METTL2A: variants seen among roughly 807,000 people sequenced by gnomAD.
METTL2A encodes methyltransferase 2A, tRNA N3-cytidine.
A neutral mutation model predicts 49.4 loss-of-function variants in METTL2A; 45 were observed. The ratio of observed to expected loss-of-function variants is 0.91; its 90% CI spans 0.72 to 1.17. The LOEUF is 1.17. Ranked by LOEUF, METTL2A falls within the 50% of genes most tolerant of loss-of-function variation. The pLI is 0.00. For missense variants in METTL2A, 361 were observed against 462.2 expected (o/e 0.78, Z 2.01); for synonymous variants, 118 against 167.5 (o/e 0.70, Z 2.28).
chr17:62,446,634 C>G (rs1349707042), intron 7 of METTL2A, among the ~76,000 whole-genome samples: 3 of 152,104 alleles, frequency 2.0e-5, no homozygotes, highest in African/African-American at 7.2e-5. Flanking sequence ...TTTAAGCACC[C>G]AATTATTGTT....
intron 5 of METTL2A, among the ~76,000 whole-genome samples, chr17:62,437,919 C>A (rs909403981): frequency 3.3e-5 from 5 of 151,558 alleles, no homozygotes; most frequent in African/African-American, 1.2e-4. Flanking sequence ...TTGCAGTGAG[C>A]CGAGATCGCA....
intron 4 of METTL2A, among the ~76,000 whole-genome samples, chr17:62,433,913 T>C (rs1360218919): frequency 3.3e-5 from 5 of 151,722 alleles, no homozygotes; most frequent in African/African-American, 1.2e-4. Context: ...AATACAAAAA[T>C]TAGCTGGGCA....
chr17:62,453,293 G>A lies in METTL2A; in HGVS notation c.*4564G>A, dbSNP rs554732157. The stretch of plus-strand genomic sequence containing the variant: ...TGCATAACGTTTCATCCTCAGAATC[G>A]CTAATGATGGGCAGAGGACTGTTAC... On this transcript the variant is annotated 3_prime_UTR_variant, in exon 9 of 9. Transcript: ENST00000311506. 2.0e-5 allele frequency among the ~76,000 whole-genome samples: 3 copies of A among 152,246 alleles called. No individual in the cohort carries two copies. The highest frequency in any genetic ancestry group is 7.2e-5 in the African/African-American group (3 of 41,544).
intron 6 of METTL2A, among the ~76,000 whole-genome samples, chr17:62,441,588 A>C (rs2070739019): frequency 6.6e-6 from 1 of 151,954 alleles, no homozygotes; most frequent in South Asian, 2.1e-4. Flanking sequence ...CTGGGATTAC[A>C]GGCACCTGCT....
intron 6 of METTL2A, among the ~76,000 whole-genome samples, chr17:62,444,399 C>T (rs1435071372): frequency 1.3e-5 from 2 of 152,228 alleles, no homozygotes; most frequent in Admixed American, 1.3e-4. Context: ...CCTGCCTCAG[C>T]CTCCTGAGTG....
chr17:62,432,627 G>T (rs181096884), intron 4 of METTL2A, among the ~76,000 whole-genome samples: 120 of 152,086 alleles, frequency 7.9e-4, no homozygotes, highest in African/African-American at 2.8e-3. Context: ...GTGAAACCCC[G>T]TCTCCACTCA....
intron 6 of METTL2A, among the ~76,000 whole-genome samples, chr17:62,442,728 T>C (rs372990414): frequency 6.6e-6 from 1 of 152,212 alleles, no homozygotes; most frequent in South Asian, 2.1e-4. Context: ...ACTATACCCA[T>C]GAAATCATGA....
chr17:62,430,452 G>T (rs556094088), intron 4 of METTL2A, among the ~76,000 whole-genome samples: 2 of 152,162 alleles, frequency 1.3e-5, no homozygotes, highest in Non-Finnish European at 2.9e-5. Flanking sequence ...TACTGCCTGT[G>T]AATCAGGTTT....
intron 4 of METTL2A, among the ~76,000 whole-genome samples, chr17:62,433,115 A>G (rs555832334): frequency 6.6e-6 from 1 of 152,246 alleles, no homozygotes; most frequent in African/African-American, 2.4e-5. Flanking sequence ...ACCAAGGGAC[A>G]ACTATATGAC....
In METTL2A at chr17:62,453,181, C is replaced by T. The variant is rs111871685; in HGVS notation, c.*4452C>T. ...GGCTTAGATTAAAAAGACGAGCCTT[C>T]TCCTGCCCCTGCTCCCTTTTATTCT... On this transcript the variant is annotated 3_prime_UTR_variant, in exon 9 of 9. Transcript: ENST00000311506. Among the ~76,000 whole-genome samples, 599 of 152,292 alleles carry T rather than the reference C, an allele frequency of 3.9e-3. 3 individuals carry two copies. Among genetic ancestry groups the T allele is most frequent in the African/African-American group, 0.014 (576 of 41,556 alleles).
At chr17:62,447,474 G>A (rs2070776724) in intron 7 of METTL2A, among the ~76,000 whole-genome samples, 1 of 152,136 alleles carries the variant, frequency 6.6e-6, no homozygotes, top group Non-Finnish European at 1.5e-5. Context: ...GGTTGGGAGA[G>A]TGAACAAGTT....
chr17:62,429,732 G>A (rs1359524430), intron 4 of METTL2A, among the ~76,000 whole-genome samples: 1 of 152,032 alleles, frequency 6.6e-6, no homozygotes, highest in Admixed American at 6.6e-5. Context: ...GTGCAGTGGC[G>A]TAATCTTGGC....
chr17:62,438,517 G>A (rs1361584755), intron 5 of METTL2A, among the ~76,000 whole-genome samples: 2 of 151,250 alleles, frequency 1.3e-5, no homozygotes, highest in African/African-American at 4.9e-5. Flanking sequence ...GGGAAGCAGA[G>A]GTTGCAGTGA....
intron 4 of METTL2A, among the ~76,000 whole-genome samples, chr17:62,428,886 C>G (rs1218744795): frequency 1.3e-5 from 2 of 152,198 alleles, no homozygotes; most frequent in African/African-American, 4.8e-5. Flanking sequence ...TAGGCTCAAG[C>G]AATCCTCTCA....
chr17:62,442,060 C>T (rs1190022585), intron 6 of METTL2A, among the ~76,000 whole-genome samples: 1 of 151,966 alleles, frequency 6.6e-6, no homozygotes, highest in Non-Finnish European at 1.5e-5. Context: ...AGCCTATTGG[C>T]CTTTTAAATG....
At chr17:62,428,526 G>A (rs1278286770) in intron 4 of METTL2A, among the ~76,000 whole-genome samples, 3 of 152,164 alleles carry the variant, frequency 2.0e-5, no homozygotes, top group Non-Finnish European at 2.9e-5. Flanking sequence ...CTGGCCCTCC[G>A]TGTTTCTGCC....
At chr17:62,427,747 T>A (rs2070637624) in intron 3 of METTL2A, 41 bp from the exon 4 acceptor site, 2 of 1,610,402 alleles carry the variant, frequency 1.2e-6, no homozygotes, top group African/African-American at 2.7e-5. Context: ...GGGAATTAAC[T>A]CTGGAAAGTT....
intron 7 of METTL2A, among the ~76,000 whole-genome samples, chr17:62,447,120 T>TA (rs990328707): frequency 2.0e-5 from 3 of 151,816 alleles, no homozygotes; most frequent in Non-Finnish European, 2.9e-5. Flanking sequence ...ATTGCTTAAT[T>TA]AAAAAAAATA....
intron 3 of METTL2A, 129 bp from the exon 4 acceptor site, chr17:62,427,659 C>G (rs1015820477): frequency 2.1e-6 from 3 of 1,405,590 alleles, no homozygotes; most frequent in Non-Finnish European, 1.9e-6. Context: ...TACTGTTTAG[C>G]TCTGGTCACT....
Sources: allele counts gnomAD v4.1 joint callset (sites outside exome capture counted in the v4.1 genomes callset), GRCh38; gene constraint gnomAD v4.1.1; transcripts MANE v1.5; gene names NCBI Gene and HGNC (gene_info 2026-07-23, HGNC 2026-07-21).